Variants in CFAP46 observed in about 807,000 individuals in gnomAD.
The protein encoded by CFAP46 is cilia- and flagella-associated protein 46.
In CFAP46, 245 loss-of-function variants were observed where a neutral mutation model predicts 325.7. The ratio of observed to expected loss-of-function variants is 0.75; its 90% CI spans 0.68 to 0.84. CFAP46 has a LOEUF of 0.84. Ranked by LOEUF, CFAP46 falls within the 40% of genes least tolerant of loss-of-function variation. The probability of loss-of-function intolerance (pLI) is 0.00; values close to 1 mark genes in which losing one functional copy is unlikely to be tolerated. For missense variants in CFAP46, 3,346 were observed against 3,543.0 expected (o/e 0.94, Z 1.41); for synonymous variants, 1,523 against 1,495.9 (o/e 1.02, Z -0.42).
chr10:132,935,692 C>T (rs1448992691), intron 7 of CFAP46, among the ~76,000 whole-genome samples: 1 of 138,572 alleles, frequency 7.2e-6, no homozygotes, highest in Non-Finnish European at 1.5e-5. Flanking sequence ...CCCCTCACAT[C>T]CAAACACACT....
Position 132,919,675 on chromosome 10 carries a change from T to A in CFAP46, c.1731-233A>T, listed in dbSNP as rs1291609675. 6.6e-6 allele frequency among the ~76,000 whole-genome samples: 1 copy of A among 151,578 alleles called. No individual in the cohort carries two copies. The highest frequency in any genetic ancestry group is 2.4e-5 in the African/African-American group (1 of 41,230). The stretch of plus-strand genomic sequence containing the variant: ...CTGTGCGCGGCACCTCCCTTCCCTG[T>A]GGTGAGAAGAAAGGCCACACAATCC... On this transcript the variant is annotated intron_variant, in intron 14 of 57. Transcript: ENST00000368586. The surrounding 1 kb of genome is among the most constrained non-coding windows in gnomAD (Gnocchi z 9.7).
At chr10:132,820,157 G>A (rs535001695) in intron 50 of CFAP46, among the ~76,000 whole-genome samples, 14 of 152,366 alleles carry the variant, frequency 9.2e-5, no homozygotes, top group African/African-American at 1.9e-4. Flanking sequence ...AGGTGACGAC[G>A]GAGCAGGTCT....
At position 132,816,764 on chromosome 10, in the gene CFAP46, A is replaced by G. The variant is rs999026742; in HGVS notation, c.7118-1850T>C. On this transcript the variant is annotated intron_variant, in intron 50 of 57. Transcript: ENST00000368586. ...CATCTCGCTAGTTTTTGACATTTCC[A>G]TGATCATTTCATGTCTTCTGAGTCC... Among the ~76,000 whole-genome samples the G allele has an allele frequency of 5.3e-5, 8 of 152,138 alleles. No homozygotes were observed. The East Asian group carries it at 7.7e-4, about 15-fold the overall frequency.
At chr10:132,909,291 G>C (rs1279344730) in intron 20 of CFAP46, 47 bp from the exon 21 acceptor site, 1 of 1,354,988 alleles carries the variant, frequency 7.4e-7, no homozygotes, top group Non-Finnish European at 1.0e-6. Context: ...CGTGCGGGGG[G>C]AGTCTGGAAT....
rs992364711 is a variant in CFAP46, at chr10:132,886,718, G to A, written c.3305-759C>T. ...GCCCACTCTGCCACCTTCCGGCCAA[G>A]AGTCCTTTTACCTCAAGGATTCCAA... is the stretch of plus-strand genomic sequence containing the variant. On this transcript the variant is annotated intron_variant, in intron 25 of 57. Transcript: ENST00000368586. The surrounding 1 kb of genome is among the most constrained non-coding windows in gnomAD (Gnocchi z 5.8). Among the ~76,000 whole-genome samples the A allele has an allele frequency of 6.6e-6, 1 of 152,130 alleles. No homozygotes were observed. Among genetic ancestry groups the A allele is most frequent in the Non-Finnish European group, 1.5e-5 (1 of 68,008 alleles).
chr10:132,858,362 G>A (rs1848676463), intron 38 of CFAP46, among the ~76,000 whole-genome samples: 1 of 136,652 alleles, frequency 7.3e-6, no homozygotes, highest in African/African-American at 2.6e-5. Flanking sequence ...GCAGGGCGGT[G>A]GGCGGGGCCA....
chr10:132,869,988 G>A lies in CFAP46; in HGVS notation c.4512-616C>T, dbSNP rs1241122103. 1.3e-5 allele frequency among the ~76,000 whole-genome samples: 2 copies of A among 152,232 alleles called. No individual in the cohort carries two copies. Among genetic ancestry groups the A allele is most frequent in the African/African-American group, 4.8e-5 (2 of 41,456 alleles). ...CAAATTGAAAGTCTGGGGCAGCCCT[G>A]AGCGACCAAGTCCATCGGCGCCATT... is the stretch of plus-strand genomic sequence containing the variant. On this transcript the variant is annotated intron_variant, in intron 32 of 57. Coordinates refer to ENST00000368586, the MANE Select transcript of CFAP46 (RefSeq NM_001200049.3). This position sits in a 1 kb window ranked among gnomAD's most constrained non-coding sequence, Gnocchi z 6.2.
In CFAP46 at chr10:132,909,214, T is replaced by C; in HGVS notation, c.2680A>G (p.Arg894Gly). 2 of 1,550,326 alleles carry C rather than the reference T, an allele frequency of 1.3e-6. No individual in the cohort carries two copies. Among genetic ancestry groups the C allele is most frequent in the Non-Finnish European group, 1.7e-6 (2 of 1,146,910 alleles). ...GTNEDVSSVT[R>G]VLVALEMYSC... ...TACATTTCCAAGGCAACGAGGACTC[T>C]GGTCACCGAGCTGACATCCTCATTG... Residue 894 changes from arginine (R) to glycine (G), a missense_variant, in exon 21 of 58, where the codon AGA (arginine) becomes GGA (glycine). Coordinates refer to ENST00000368586, the MANE Select transcript of CFAP46 (RefSeq NM_001200049.3).
rs1291419025 is a variant in CFAP46, at chr10:132,898,977, C to G, written c.3201G>C (p.Lys1067Asn). 3 of 1,550,464 alleles carry G rather than the reference C, an allele frequency of 1.9e-6. No individual in the cohort carries two copies. In the African/African-American group the frequency reaches 4.1e-5, roughly 21 times the overall value. Residue 1067 changes from lysine (K) to asparagine (N), a missense_variant, in exon 24 of 58, where the codon AAG (lysine) becomes AAC (asparagine). Transcript: ENST00000368586. ...ALKRLIGIIN[K>N]TEARKQEKGK... is the part of the protein sequence containing the mutation. ...GGTGCACCTGCTTTCTGGCCTCTGTCTTGTTGATGATGCCGATGAGCCTCT... is the reference window on the plus strand; with the variant it reads ...GGTGCACCTGCTTTCTGGCCTCTGTGTTGTTGATGATGCCGATGAGCCTCT...
rs570216098 is a variant in CFAP46, at chr10:132,904,407, C to T, written c.2924+4061G>A. ...CAGGGCAGAGGGGCTCCCGCTGGGACGCAATGACACCAAGGGCCACTAGAG... is the reference window on the plus strand; with the variant it reads ...CAGGGCAGAGGGGCTCCCGCTGGGATGCAATGACACCAAGGGCCACTAGAG... On this transcript the variant is annotated intron_variant, in intron 22 of 57. Transcript: ENST00000368586. 0.013 allele frequency among the ~76,000 whole-genome samples: 237 copies of T among 18,734 alleles called. No homozygotes were observed. The African/African-American group carries it at 0.13, about 10-fold the overall frequency. The allele number at this position is 18,734 out of a possible 152,430, so 12.3% of individuals were successfully genotyped here.
At chr10:132,916,758 C>CGTGTGTGT (rs1849646587) in intron 16 of CFAP46, 76 bp from the exon 17 acceptor site, 1 of 1,398,514 alleles carries the variant, frequency 7.2e-7, no homozygotes, top group Non-Finnish European at 9.3e-7. Flanking sequence ...CACACACGCC[C>CGTGTGTGT]TTCCCTCAGC....
rs1197221087 is a variant in CFAP46 at position 132,827,283 on chromosome 10, G to C, written c.7117+6075C>G. ...GGGCTGACCGTGGCCTGTGATGGAC[G>C]GGGCACCCAGTGGGCCAGAATCAGA... On this transcript the variant is annotated intron_variant, in intron 50 of 57. Coordinates refer to ENST00000368586, the MANE Select transcript of CFAP46 (RefSeq NM_001200049.3). This position sits in a 1 kb window ranked among gnomAD's most constrained non-coding sequence, Gnocchi z 5.7. 1.3e-5 allele frequency among the ~76,000 whole-genome samples: 2 copies of C among 152,060 alleles called. No homozygotes were observed. Among genetic ancestry groups the C allele is most frequent in the African/African-American group, 4.8e-5 (2 of 41,426 alleles).
chr10:132,859,325 T>G, intron 37 of CFAP46, 78 bp from the exon 38 acceptor site: 1 of 1,306,594 alleles, frequency 7.7e-7, no homozygotes, highest in Non-Finnish European at 1.0e-6. Flanking sequence ...CTGCCGCTGT[T>G]CTCCCCGGTG....
intron 10 of CFAP46, among the ~76,000 whole-genome samples, chr10:132,925,662 G>A (rs1424499968): frequency 6.6e-6 from 1 of 152,272 alleles, no homozygotes; most frequent in Non-Finnish European, 1.5e-5. Flanking sequence ...GCGCACAGCA[G>A]CAGTCAAAAA....
intron 27 of CFAP46, among the ~76,000 whole-genome samples, chr10:132,883,146 T>C (rs968421783): frequency 2.0e-5 from 3 of 152,150 alleles, no homozygotes; most frequent in African/African-American, 7.2e-5. Flanking sequence ...TTAAAACGTG[T>C]TTGTGCCACA....
chr10:132,915,303 C>T (rs1456188448), intron 17 of CFAP46, among the ~76,000 whole-genome samples: 4 of 152,236 alleles, frequency 2.6e-5, no homozygotes, highest in African/African-American at 4.8e-5. Context: ...GAGCCCCTGC[C>T]TGAAATGACG....
Position 132,938,604 on chromosome 10 carries a change from C to T in CFAP46, c.521G>A (p.Arg174His), listed in dbSNP as rs191258313. 4.3e-6 allele frequency: 7 copies of T among 1,613,296 alleles called. No individual in the cohort carries two copies. The East Asian group carries it at 1.1e-4, about 26-fold the overall frequency. ...CTCAACTCACAGCATCAGCTCAGCACGCCACTCCTTGTCTTCCTCCTCAGT... is the reference window on the plus strand; with the variant it reads ...CTCAACTCACAGCATCAGCTCAGCATGCCACTCCTTGTCTTCCTCCTCAGT... Reference protein sequence around the residue: ...SQTEEEDKEWRAELMLELLEC... With the variant: ...SQTEEEDKEWHAELMLELLEC... Residue 174 changes from arginine to histidine, a missense_variant, in exon 5 of 58, where the codon CGT becomes CAT. Physicochemically the swap from Arg to His is conservative, Grantham distance 29. Transcript: ENST00000368586.
chr10:132,941,150 G>GAC (rs1850094099), intron 3 of CFAP46, 90 bp from the exon 4 acceptor site: 1 of 1,296,408 alleles, frequency 7.7e-7, no homozygotes, highest in African/African-American at 1.5e-5. Flanking sequence ...CTCACGGTTG[G>GAC]CCTGGTACCC....
intron 7 of CFAP46, 100 bp from the exon 8 acceptor site, chr10:132,934,962 G>T: frequency 1.2e-6 from 1 of 809,426 alleles, no homozygotes; most frequent in Non-Finnish European, 2.1e-6. Flanking sequence ...GTTTCTCACT[G>T]AAGAGGAGAC....
Sources: allele counts gnomAD v4.1 joint callset (sites outside exome capture counted in the v4.1 genomes callset), GRCh38; gene constraint gnomAD v4.1.1; non-coding constraint Gnocchi (gnomAD v3.1); transcripts MANE v1.5; gene names NCBI Gene and HGNC (gene_info 2026-07-23, HGNC 2026-07-21).